Variants in TSHZ3 observed in about 807,000 individuals in gnomAD.
TSHZ3 encodes teashirt zinc finger homeobox 3, also known as teashirt homolog 3.
A neutral mutation model predicts 64.5 loss-of-function variants in TSHZ3; 10 were observed. The ratio of observed to expected loss-of-function variants is 0.16; its 90% CI spans 0.10 to 0.26. TSHZ3 has a LOEUF of 0.26. Ranked by LOEUF, TSHZ3 falls within the 10% of genes least tolerant of loss-of-function variation. The probability of loss-of-function intolerance (pLI) is 1.00; values close to 1 mark genes in which losing one functional copy is unlikely to be tolerated. For synonymous variants in TSHZ3, 608 were observed against 593.1 expected, an observed-to-expected ratio of 1.03 and a Z score of -0.36; for missense variants, 1,242 against 1,421.7, an observed-to-expected ratio of 0.87 and a Z score of 2.03.
chr19:31,236,723 AAAACAT>A (rs1287836559), intron 3 of TSHZ3, among the ~76,000 whole-genome samples: 1 of 152,232 alleles, frequency 6.6e-6, no homozygotes, highest in African/African-American at 2.4e-5. Flanking sequence ...CTCCTGGAAG[AAAACAT>A]AGGGAAAAAC....
chr19:31,219,950 T>C (rs1190237272), intron 4 of TSHZ3, among the ~76,000 whole-genome samples: 1 of 151,992 alleles, frequency 6.6e-6, no homozygotes, highest in Non-Finnish European at 1.5e-5. Flanking sequence ...GATCAATTGA[T>C]CAATTGATTA....
At position 31,279,657 on chromosome 19, in the gene TSHZ3, T is replaced by C. The variant is rs1286875461; in HGVS notation, c.136A>G (p.Met46Val). The C allele has an allele frequency of 3.1e-6, 5 of 1,605,178 alleles. No individual in the cohort carries two copies. Among genetic ancestry groups the C allele is most frequent in the South Asian group, 1.1e-5 (1 of 89,786 alleles). Residue 46 changes from methionine to valine, a missense_variant, in exon 2 of 2, where the codon ATG (methionine) becomes GTG (valine). By Grantham distance (21) the Met-to-Val change is conservative. Coordinates refer to ENST00000240587, the MANE Select transcript of TSHZ3 (RefSeq NM_020856.4). This position sits in a 1 kb window ranked among gnomAD's most constrained non-coding sequence, Gnocchi z 6.4. ...TADGEPSAKY[M>V]CPEKELARAC... ...CTGGCGAGCTCCTTCTCCGGGCACA[T>C]GTACTTGGCCGAGGGCTCTCCATCT...
chr19:31,222,558 C>T (rs531761340), intron 4 of TSHZ3, among the ~76,000 whole-genome samples: 34 of 152,344 alleles, frequency 2.2e-4, no homozygotes, highest in Admixed American at 2.2e-3. Flanking sequence ...GACCTCCTGT[C>T]CCTCTCCAGC....
At chr19:31,199,275 G>A (rs548884224) in intron 5 of TSHZ3, among the ~76,000 whole-genome samples, 1 of 151,594 alleles carries the variant, frequency 6.6e-6, no homozygotes, top group South Asian at 2.1e-4. Context: ...ATCGTGGCGG[G>A]CGCCTGTAGT....
intron 5 of TSHZ3, among the ~76,000 whole-genome samples, chr19:31,159,876 G>C (rs987379035): frequency 6.6e-6 from 1 of 151,908 alleles, no homozygotes; most frequent in Non-Finnish European, 1.5e-5. Context: ...ATTTTTCATA[G>C]AGATGGGGTC....
chr19:31,323,873 C>T (rs1369319668), intron 1 of TSHZ3, among the ~76,000 whole-genome samples: 3 of 88,628 alleles, frequency 3.4e-5, no homozygotes, highest in East Asian at 4.4e-4. Flanking sequence ...AACACACACA[C>T]ACACACACAC....
At chr19:31,254,001 T>TGTGTGAACACTACTCTCCTCCC (rs1293920349) in intron 1 of TSHZ3, among the ~76,000 whole-genome samples, 1 of 152,084 alleles carries the variant, frequency 6.6e-6, no homozygotes, top group African/African-American at 2.4e-5. Context: ...CTCCTGCTCT[T>TGTGTGAACACTACTCTCCTCCC]GTCTGAACAC....
rs867759212 is a variant in TSHZ3 at position 31,330,719 on chromosome 19, A to G, written c.40+18461T>C. Among the ~76,000 whole-genome samples, 635 of 149,260 alleles carry G rather than the reference A, an allele frequency of 4.3e-3. 6 individuals carry two copies. The highest frequency in any genetic ancestry group is 0.013 in the African/African-American group (510 of 39,990). Reference sequence around the variant, plus strand: ...TGTTTAATCCTTGGGCGGGGGGAGGAAAGTCCAGAACACCTATGGGTCATG... The same window carrying G: ...TGTTTAATCCTTGGGCGGGGGGAGGGAAGTCCAGAACACCTATGGGTCATG... On this transcript the variant is annotated intron_variant, in intron 1 of 1. Transcript: ENST00000240587.
chr19:31,261,153 C>T (rs1466062675), intron 1 of TSHZ3, among the ~76,000 whole-genome samples: 3 of 152,244 alleles, frequency 2.0e-5, no homozygotes, highest in South Asian at 2.1e-4. Context: ...AAGGGCTCTC[C>T]CACCCCTGGC....
intron 5 of TSHZ3, among the ~76,000 whole-genome samples, chr19:31,159,053 G>A (rs1475331351): frequency 6.6e-6 from 1 of 152,136 alleles, no homozygotes; most frequent in Non-Finnish European, 1.5e-5. Flanking sequence ...ATGCTGGTGT[G>A]CAGTGGCGTG....
At chr19:31,242,663 G>T (rs1175660823) in intron 2 of TSHZ3, among the ~76,000 whole-genome samples, 1 of 152,080 alleles carries the variant, frequency 6.6e-6, no homozygotes, top group African/African-American at 2.4e-5. Flanking sequence ...GAGTTCTGAT[G>T]TCCAAAGGCA....
intron 4 of TSHZ3, among the ~76,000 whole-genome samples, chr19:31,208,344 G>A (rs1382597306): frequency 6.6e-6 from 1 of 152,104 alleles, no homozygotes; most frequent in Non-Finnish European, 1.5e-5. Flanking sequence ...TCCCATCTTT[G>A]TCTTCCTCAT....
chr19:31,329,869 T>A (rs935977792), intron 1 of TSHZ3, among the ~76,000 whole-genome samples: 4 of 152,150 alleles, frequency 2.6e-5, no homozygotes, highest in African/African-American at 9.7e-5. Flanking sequence ...TTGGGTCAAC[T>A]AAGAGCAAGG....
At chr19:31,265,846 G>A (rs534978041) in intron 1 of TSHZ3, among the ~76,000 whole-genome samples, 1 of 152,332 alleles carries the variant, frequency 6.6e-6, no homozygotes, top group Non-Finnish European at 1.5e-5. Flanking sequence ...TCAGAGCGAG[G>A]TGGGGTGCTG....
At chr19:31,271,251 G>C (rs781693884), downstream of TSHZ3, among the ~76,000 whole-genome samples, 1 of 152,148 alleles carries the variant, frequency 6.6e-6, no homozygotes, top group African/African-American at 2.4e-5. Flanking sequence ...CCAGTTCCAG[G>C]GTTCGCTGGC....
intron 1 of TSHZ3, among the ~76,000 whole-genome samples, chr19:31,310,028 G>T (rs946455190): frequency 2.0e-5 from 3 of 152,168 alleles, no homozygotes; most frequent in Non-Finnish European, 4.4e-5. Flanking sequence ...CAGTAGCCTG[G>T]TGCCCTCGGA....
chr19:31,329,897 T>C (rs1283526719), intron 1 of TSHZ3, among the ~76,000 whole-genome samples: 2 of 152,184 alleles, frequency 1.3e-5, no homozygotes, highest in Non-Finnish European at 2.9e-5. Context: ...GCCAAAATTG[T>C]TGTGTGTTTT....
intron 4 of TSHZ3, among the ~76,000 whole-genome samples, chr19:31,207,962 C>G (rs749793202): frequency 6.6e-6 from 1 of 152,172 alleles, no homozygotes; most frequent in Non-Finnish European, 1.5e-5. Context: ...CCAGGACAAG[C>G]TCCTTGTTCT....
At chr19:31,188,763 A>T (rs529999165) in intron 5 of TSHZ3, among the ~76,000 whole-genome samples, 1 of 151,874 alleles carries the variant, frequency 6.6e-6, no homozygotes, top group South Asian at 2.1e-4. Flanking sequence ...TTTTATTTTA[A>T]TGTTCTTGTT....
Sources: allele counts gnomAD v4.1 joint callset (sites outside exome capture counted in the v4.1 genomes callset), GRCh38; gene constraint gnomAD v4.1.1; non-coding constraint Gnocchi (gnomAD v3.1); transcripts MANE v1.5; gene names NCBI Gene and HGNC (gene_info 2026-07-23, HGNC 2026-07-21).